LMX1B: variants seen among roughly 807,000 people sequenced by gnomAD.
The protein encoded by LMX1B is LIM homeobox transcription factor 1-beta.
Under a neutral mutation model 51.4 loss-of-function variants are expected in LMX1B, and 12 were observed. The ratio of observed to expected loss-of-function variants is 0.23; its 90% CI spans 0.15 to 0.38. LMX1B has a LOEUF of 0.38. LMX1B is among the 10% of genes least tolerant of loss of function. The probability of loss-of-function intolerance (pLI) is 1.00; values close to 1 mark genes in which losing one functional copy is unlikely to be tolerated. For missense variants in LMX1B, 445 were observed against 571.1 expected (o/e 0.78, Z 2.25); for synonymous variants, 237 against 235.4 (o/e 1.01, Z -0.06).
chr9:126,672,961 G>A (rs544205362), intron 2 of LMX1B, among the ~76,000 whole-genome samples: 280 of 152,356 alleles, frequency 1.8e-3, no homozygotes, highest in African/African-American at 6.3e-3. Context: ...AGAACGGTGC[G>A]CCTCTCGCCG....
chr9:126,627,404 G>C (rs1232215845), intron 2 of LMX1B, among the ~76,000 whole-genome samples: 1 of 151,928 alleles, frequency 6.6e-6, no homozygotes, highest in Non-Finnish European at 1.5e-5. Context: ...CTTCTGCTTG[G>C]CTTGAGCTAA....
At chr9:126,669,384 G>C (rs530303572) in intron 2 of LMX1B, among the ~76,000 whole-genome samples, 1 of 152,306 alleles carries the variant, frequency 6.6e-6, no homozygotes, top group East Asian at 1.9e-4. Flanking sequence ...GTGGGTCACT[G>C]CCCTCTCTGC....
intron 2 of LMX1B, among the ~76,000 whole-genome samples, chr9:126,652,297 G>GC (rs1836028453): frequency 2.4e-5 from 2 of 82,084 alleles, no homozygotes; most frequent in African/African-American, 5.2e-5. Flanking sequence ...AGGAGGAGAA[G>GC]GGGGGGGGGA....
intron 2 of LMX1B, among the ~76,000 whole-genome samples, chr9:126,635,387 G>C (rs1835696292): frequency 6.6e-6 from 1 of 152,232 alleles, no homozygotes; most frequent in African/African-American, 2.4e-5. Flanking sequence ...TGCAAAACCA[G>C]TTGCAGTCGG....
At chr9:126,614,674 G>A (rs1835266909) in intron 1 of LMX1B, 86 bp downstream of exon 1, 1 of 1,361,100 alleles carries the variant, frequency 7.3e-7, no homozygotes, top group South Asian at 1.5e-5. Context: ...GGGGCCAACG[G>A]ATAAAGGAAA....
chr9:126,617,351 G>A (rs1177112642), intron 2 of LMX1B, among the ~76,000 whole-genome samples: 1 of 151,760 alleles, frequency 6.6e-6, no homozygotes, highest in Non-Finnish European at 1.5e-5. Flanking sequence ...GGGGGCCCAG[G>A]AAACTAAAAC....
chr9:126,651,819 C>A (rs1836014682), intron 2 of LMX1B, among the ~76,000 whole-genome samples: 1 of 152,152 alleles, frequency 6.6e-6, no homozygotes, highest in African/African-American at 2.4e-5. Context: ...GGGAGTTCAA[C>A]AGGCGGGGTC....
At chr9:126,628,153 C>T (rs762334228) in intron 2 of LMX1B, among the ~76,000 whole-genome samples, 7 of 152,210 alleles carry the variant, frequency 4.6e-5, no homozygotes, top group South Asian at 4.1e-4. Context: ...CTCTGACTCC[C>T]GCATACCCTG....
At position 126,682,081 on chromosome 9, in the gene LMX1B, G is replaced by GCCTTTTTTTTTTTTTT. The variant is rs755608375; in HGVS notation, c.327-8755_327-8754insCCTTTTTTTTTTTTTT. Among the ~76,000 whole-genome samples, 4 of 81,270 alleles carry GCCTTTTTTTTTTTTTT rather than the reference G, an allele frequency of 4.9e-5. 1 individual carries two copies. Among genetic ancestry groups the GCCTTTTTTTTTTTTTT allele is most frequent in the African/African-American group, 1.7e-4 (3 of 18,042 alleles). 53.3% of individuals were successfully genotyped at this position (81,270 alleles called of 152,430 possible). A position where few individuals can be genotyped will look rare whatever the true frequency, so the allele number is the denominator to read the frequency against. On this transcript the variant is annotated intron_variant, in intron 2 of 7. Transcript: ENST00000373474. Reference sequence around the variant, plus strand: ...TACTTGCAGATACTTGGTCCCCAGGGTCTTTTTTTTTTTTTTTTTTTTTTT... The same window carrying GCCTTTTTTTTTTTTTT: ...TACTTGCAGATACTTGGTCCCCAGGGCCTTTTTTTTTTTTTTTCTTTTTTTTTTTTTTTTTTTTTTT...
chr9:126,656,398 G>C (rs1293443215), intron 2 of LMX1B, among the ~76,000 whole-genome samples: 1 of 121,866 alleles, frequency 8.2e-6, no homozygotes, highest in Non-Finnish European at 2.0e-5. Flanking sequence ...TAGATAGATA[G>C]ATAGATAGAT....
chr9:126,617,142 G>A (rs1486898093), intron 2 of LMX1B, among the ~76,000 whole-genome samples: 1 of 152,216 alleles, frequency 6.6e-6, no homozygotes, highest in Non-Finnish European at 1.5e-5. Flanking sequence ...CAAATTGAAT[G>A]GGGAAAATAG....
chr9:126,693,050 C>T (rs2030189873), intron 3 of LMX1B, 92 bp from the exon 4 acceptor site: 1 of 1,326,512 alleles, frequency 7.5e-7, no homozygotes, highest in Non-Finnish European at 1.0e-6. Context: ...AGGGGACAGG[C>T]TCCCATCGGG....
intron 2 of LMX1B, among the ~76,000 whole-genome samples, chr9:126,619,441 G>A (rs1835368249): frequency 6.6e-6 from 1 of 152,164 alleles, no homozygotes; most frequent in South Asian, 2.1e-4. Context: ...TCCCCAGTGT[G>A]TACCCCAACC....
intron 2 of LMX1B, among the ~76,000 whole-genome samples, chr9:126,670,150 G>GC (rs1285725906): frequency 1.3e-5 from 2 of 152,172 alleles, no homozygotes; most frequent in Admixed American, 6.5e-5. Flanking sequence ...TACCAGCTGG[G>GC]CCCCCAGAGC....
chr9:126,659,559 G>C (rs1836188612), intron 2 of LMX1B, among the ~76,000 whole-genome samples: 1 of 152,266 alleles, frequency 6.6e-6, no homozygotes, highest in Non-Finnish European at 1.5e-5. Flanking sequence ...GGTCCTGTGT[G>C]GGGGTGCCTA....
chr9:126,659,427 G>A (rs1253766899), intron 2 of LMX1B, among the ~76,000 whole-genome samples: 2 of 152,238 alleles, frequency 1.3e-5, no homozygotes, highest in African/African-American at 2.4e-5. Context: ...GGGCTAGGTC[G>A]GCCCTGTAGG....
intron 2 of LMX1B, among the ~76,000 whole-genome samples, chr9:126,688,925 A>G (rs2030006494): frequency 6.6e-6 from 1 of 152,190 alleles, no homozygotes; most frequent in Admixed American, 6.5e-5. Flanking sequence ...TTGGGCACCA[A>G]CAGGGACATG....
chr9:126,661,366 G>A (rs1039404550), intron 2 of LMX1B, among the ~76,000 whole-genome samples: 5 of 152,188 alleles, frequency 3.3e-5, no homozygotes, highest in Non-Finnish European at 2.9e-5. Flanking sequence ...TCTGTCTGTC[G>A]GGGCCAGAGT....
At chr9:126,631,291 G>A (rs549735907) in intron 2 of LMX1B, among the ~76,000 whole-genome samples, 76 of 152,358 alleles carry the variant, frequency 5.0e-4, no homozygotes, top group African/African-American at 1.6e-3. Flanking sequence ...TAACAGTAAT[G>A]ATAGTAATAA....
Sources: allele counts gnomAD v4.1 joint callset (sites outside exome capture counted in the v4.1 genomes callset), GRCh38; gene constraint gnomAD v4.1.1; transcripts MANE v1.5; gene names NCBI Gene and HGNC (gene_info 2026-07-23, HGNC 2026-07-21).